PVT1: variants seen among roughly 807,000 people sequenced by gnomAD.
The protein encoded by PVT1 is Pvt1 oncogene, also known as CXCR4/PVT1 fusion.
exon 2 of PVT1, chr8:127,795,932 G>A (rs1268616979): frequency 5.9e-6 from 1 of 170,438 alleles, no homozygotes; most frequent in Non-Finnish European, 1.5e-5. Context: ...AGCTGCAGAA[G>A]GACAAATACA....
At chr8:128,003,426 G>A (rs1341473946) in intron 4 of PVT1, among the ~76,000 whole-genome samples, 2 of 151,294 alleles carry the variant, frequency 1.3e-5, no homozygotes, top group Admixed American at 6.6e-5. Flanking sequence ...GCCCACTGTA[G>A]CCTAGACATC....
chr8:128,025,409 C>T (rs78003539), intron 4 of PVT1, among the ~76,000 whole-genome samples: 6,918 of 152,220 alleles, frequency 0.045, 200 homozygotes, highest in Non-Finnish European at 0.066. Context: ...AGGAGGCCTG[C>T]GCAATGTGCA....
intron 3 of PVT1, among the ~76,000 whole-genome samples, chr8:127,929,825 C>T (rs745622474): frequency 1.3e-5 from 2 of 151,680 alleles, no homozygotes; most frequent in Non-Finnish European, 2.9e-5. Flanking sequence ...AGAAATGGTT[C>T]CAGACTGAAA....
At chr8:127,874,598 C>G (rs1049605861) in intron 2 of PVT1, among the ~76,000 whole-genome samples, 13 of 152,096 alleles carry the variant, frequency 8.5e-5, no homozygotes, top group African/African-American at 3.1e-4. Flanking sequence ...AGAGTCTGAG[C>G]CACACTCAAA....
At chr8:127,899,685 G>C (rs1455711055) in intron 3 of PVT1, among the ~76,000 whole-genome samples, 1 of 152,186 alleles carries the variant, frequency 6.6e-6, no homozygotes, top group African/African-American at 2.4e-5. Context: ...TGGTGGAAGT[G>C]AGGGCATAGA....
chr8:127,921,854 G>GTTTTTTTGTTTTTTTTTT (rs1816063128), intron 3 of PVT1, among the ~76,000 whole-genome samples: 9 of 71,906 alleles, frequency 1.3e-4, no homozygotes, highest in African/African-American at 5.5e-4. Context: ...TTTGGTTCAT[G>GTTTTTTTGTTTTTTTTTT]TTTTTTTTTT....
At chr8:127,823,546 T>A (rs1403355169) in intron 2 of PVT1, among the ~76,000 whole-genome samples, 1 of 152,294 alleles carries the variant, frequency 6.6e-6, no homozygotes, top group East Asian at 1.9e-4. Flanking sequence ...GGTCAGTACC[T>A]CTAAAGAATA....
chr8:127,945,137 A>G (rs2129914803), intron 3 of PVT1, among the ~76,000 whole-genome samples: 1 of 152,300 alleles, frequency 6.6e-6, no homozygotes, highest in East Asian at 1.9e-4. Context: ...GTGTTTTTCA[A>G]GGGCCAGTTA....
chr8:127,800,204 T>A (rs1814447805), intron 2 of PVT1, among the ~76,000 whole-genome samples: 1 of 152,240 alleles, frequency 6.6e-6, no homozygotes, highest in South Asian at 2.1e-4. Flanking sequence ...GGGCTCTTTT[T>A]TTTTCTGGTG....
intron 2 of PVT1, among the ~76,000 whole-genome samples, chr8:127,827,002 T>TTTTG (rs1165042814): frequency 6.9e-6 from 1 of 145,582 alleles, no homozygotes; most frequent in African/African-American, 2.5e-5. Flanking sequence ...CTCTTTTTTT[T>TTTTG]TTTTTTTTTT....
chr8:128,059,840 T>C (rs1056357052), intron 4 of PVT1, among the ~76,000 whole-genome samples: 8 of 152,046 alleles, frequency 5.3e-5, no homozygotes, highest in Non-Finnish European at 8.8e-5. Context: ...AGTGGTAGAG[T>C]TGGGGTCTTG....
chr8:128,069,544 A>G (rs944225049), intron 4 of PVT1, among the ~76,000 whole-genome samples: 18 of 152,162 alleles, frequency 1.2e-4, no homozygotes, highest in African/African-American at 4.1e-4. Context: ...CATCTGCACC[A>G]TAATCGTGCT....
In PVT1 at chr8:128,007,943, G is replaced by C. The variant is rs573927092; in HGVS notation, n.912+18652G>C. 1.7e-3 allele frequency among the ~76,000 whole-genome samples: 258 copies of C among 152,332 alleles called. 1 individual carries two copies. Among genetic ancestry groups the C allele is most frequent in the South Asian group, 3.1e-3 (15 of 4,820 alleles). On this transcript the variant is annotated intron_variant and non_coding_transcript_variant, in intron 4 of 10. Transcript: ENST00000651587. ...CAAAGGTGGCCTACATTTCATACTT[G>C]TTGACAGTAATGCTAGTTGACTCAT...
chr8:128,073,352 T>G (rs377123564), intron 5 of PVT1, among the ~76,000 whole-genome samples: 31 of 152,292 alleles, frequency 2.0e-4, no homozygotes, highest in African/African-American at 6.7e-4. Context: ...CCGTTCTCCC[T>G]CCTTTTCTCC....
chr8:127,864,190 G>T (rs1175019353), intron 2 of PVT1, among the ~76,000 whole-genome samples: 1 of 152,168 alleles, frequency 6.6e-6, no homozygotes, highest in Non-Finnish European at 1.5e-5. Flanking sequence ...AAGGTTACGT[G>T]GGGTGAAGGG....
intron 4 of PVT1, among the ~76,000 whole-genome samples, chr8:127,990,953 G>A (rs1817030270): frequency 9.2e-6 from 1 of 108,210 alleles, no homozygotes; most frequent in Non-Finnish European, 2.3e-5. Flanking sequence ...AGCATACTGG[G>A]AGCTGAGCTG....
At chr8:127,894,967 A>T (rs1015032781) in intron 3 of PVT1, among the ~76,000 whole-genome samples, 1 of 152,250 alleles carries the variant, frequency 6.6e-6, no homozygotes. Context: ...TCCCAGAACG[A>T]TAGCACTTTA....
At chr8:127,837,513 C>T (rs1450820698) in intron 2 of PVT1, among the ~76,000 whole-genome samples, 3 of 150,506 alleles carry the variant, frequency 2.0e-5, no homozygotes, top group Non-Finnish European at 2.9e-5. Context: ...TATTGTTTTT[C>T]GGAGGCTGTA....
At chr8:128,060,021 C>G (rs1483341326) in intron 4 of PVT1, among the ~76,000 whole-genome samples, 1 of 152,166 alleles carries the variant, frequency 6.6e-6, no homozygotes, top group Non-Finnish European at 1.5e-5. Flanking sequence ...CTTTGGGAGG[C>G]CAAGGCGGGT....
Sources: gnomAD v4.1 joint callset for allele counts (sites outside exome capture counted in the v4.1 genomes callset) on GRCh38, gnomAD v4.1.1 for gene constraint, MANE v1.5 for transcripts, NCBI Gene and HGNC (gene_info 2026-07-23, HGNC 2026-07-21) for gene names.